TNIP1: variants seen among roughly 807,000 people sequenced by gnomAD.
TNIP1 encodes the protein TNFAIP3-interacting protein 1.
Under a neutral mutation model 86.6 loss-of-function variants are expected in TNIP1, and 22 were observed. The ratio of observed to expected loss-of-function variants is 0.25; its 90% CI spans 0.18 to 0.36. The LOEUF is 0.36. Ranked by LOEUF, TNIP1 falls within the 10% of genes least tolerant of loss-of-function variation. The pLI is 1.00. For synonymous variants in TNIP1, 294 were observed against 313.0 expected (o/e 0.94, Z 0.64); for missense variants, 709 against 820.6 (o/e 0.86, Z 1.66).
At chr5:151,050,436 T>C (rs1249874916) in intron 7 of TNIP1, among the ~76,000 whole-genome samples, 1 of 152,240 alleles carries the variant, frequency 6.6e-6, no homozygotes, top group Non-Finnish European at 1.5e-5. Context: ...ATTAACATCC[T>C]TTCACTTTCA....
In TNIP1 at chr5:151,039,198, C is replaced by T. The variant is rs1351017051; in HGVS notation, c.1162G>A (p.Ala388Thr). 6.2e-7 allele frequency: 1 copy of T among 1,613,346 alleles called. No homozygotes were observed. The highest frequency in any genetic ancestry group is 1.3e-5 in the African/African-American group (1 of 74,886). ...TTGACCTTTTGGCGCAGCTCCTTGGCCTCTGCTGTCAGCTGCTCCTTGTCG... is the reference window on the plus strand; with the variant it reads ...TTGACCTTTTGGCGCAGCTCCTTGGTCTCTGCTGTCAGCTGCTCCTTGTCG... ...ETDKEQLTAEAKELRQKVKYL... is the reference protein window; with the variant it reads ...ETDKEQLTAETKELRQKVKYL... The change falls in exon 12 of 18, where the codon GCC (alanine) becomes ACC (threonine). Residue 388 changes from alanine (A) to threonine (T), a missense_variant. Ala to Thr is a moderately conservative substitution (Grantham distance 58, BLOSUM62 0). Transcript: ENST00000521591.
At chr5:151,047,802 A>G (rs1183603233) in intron 8 of TNIP1, among the ~76,000 whole-genome samples, 2 of 152,048 alleles carry the variant, frequency 1.3e-5, no homozygotes, top group Non-Finnish European at 2.9e-5. Context: ...TCTGTGATGG[A>G]CACCAAGACC....
chr5:151,053,308 C>A (rs1760213688), intron 6 of TNIP1, among the ~76,000 whole-genome samples: 1 of 151,972 alleles, frequency 6.6e-6, no homozygotes, highest in Non-Finnish European at 1.5e-5. Flanking sequence ...CGGGGTTTCA[C>A]CATGTTGGCC....
rs1004870398 is a variant in TNIP1, at chr5:151,042,439, C to G, written c.1134+101G>C. On this transcript the variant is annotated intron_variant, in intron 11 of 17. Transcript: ENST00000521591. ...GTCACCTAGCTCTTTCGCACTAGAC[C>G]CCCGGGTCTCCTGACTCCTGCCCCT... 2.6e-6 allele frequency: 4 copies of G among 1,514,322 alleles called. No individual in the cohort carries two copies. In the African/African-American group the frequency reaches 4.1e-5, roughly 16 times the overall value. 93.8% of individuals were successfully genotyped at this position (1,514,322 alleles called of 1,614,324 possible). A position where few individuals can be genotyped will look rare whatever the true frequency, so the allele number is the denominator to read the frequency against.
At chr5:151,055,374 C>G (rs183352570) in intron 6 of TNIP1, among the ~76,000 whole-genome samples, 1 of 152,272 alleles carries the variant, frequency 6.6e-6, no homozygotes, top group African/African-American at 2.4e-5. Flanking sequence ...GGATCTATCC[C>G]CATCTCAAAG....
intron 8 of TNIP1, 105 bp downstream of exon 8, chr5:151,049,719 G>C (rs1429125813): frequency 4.4e-6 from 6 of 1,368,516 alleles, no homozygotes; most frequent in Non-Finnish European, 6.2e-6. Flanking sequence ...TTCTACCACT[G>C]GCACTGGCTG....
At chr5:151,034,348 G>GAT (rs1410587076) in intron 15 of TNIP1, 1 of 306,144 alleles carries the variant, frequency 3.3e-6, no homozygotes, top group African/African-American at 2.4e-5. Flanking sequence ...CTGGTACATA[G>GAT]ACACGGAAGG....
In TNIP1 at chr5:151,056,173, A is replaced by C. The variant is rs567493002; in HGVS notation, c.627+593T>G. ...TACAGCAATAAAGGGTCACTACTGG[A>C]ACCAAGGACCATATAACTCCAAGGT... On this transcript the variant is annotated intron_variant, in intron 6 of 17. Transcript: ENST00000521591. 1.1e-4 allele frequency among the ~76,000 whole-genome samples: 17 copies of C among 152,340 alleles called. No homozygotes were observed. In the South Asian group the frequency reaches 1.7e-3, roughly 15 times the overall value.
At chr5:151,082,326 G>A (rs980233618), upstream of TNIP1, among the ~76,000 whole-genome samples, 1 of 152,148 alleles carries the variant, frequency 6.6e-6, no homozygotes, top group African/African-American at 2.4e-5. Flanking sequence ...CTTATGCCTT[G>A]ATTCAGAAGG....
At chr5:151,035,859 C>G in intron 13 of TNIP1, 152 bp from the exon 14 acceptor site, 1 of 911,652 alleles carries the variant, frequency 1.1e-6, no homozygotes, top group Non-Finnish European at 1.6e-6. Context: ...CCAGCCTCCA[C>G]CTTAACTTCA....
chr5:151,076,646 C>G (rs1469936391), intron 1 of TNIP1, among the ~76,000 whole-genome samples: 2 of 152,186 alleles, frequency 1.3e-5, no homozygotes, highest in African/African-American at 4.8e-5. Flanking sequence ...CACCATGCTA[C>G]TGCTCAACCT....
In TNIP1 at chr5:151,033,127, CA is replaced by C. The variant is rs11375507; in HGVS notation, c.1779+480del. ...GGCAAAAAAGAGTGAAATTCCATCT[CA>C]AAAAAAAAAAAAAAAAAGGAAAAGA... On this transcript the variant is annotated intron_variant, in intron 16 of 17. Coordinates refer to ENST00000521591, the MANE Select transcript of TNIP1 (RefSeq NM_006058.5). Among the ~76,000 whole-genome samples, 10 of 78,768 alleles carry C rather than the reference CA, an allele frequency of 1.3e-4. No individual in the cohort carries two copies. In the South Asian group the frequency reaches 2.5e-3, roughly 20 times the overall value. 51.7% of individuals were successfully genotyped at this position (78,768 alleles called of 152,430 possible).
chr5:151,038,000 C>T (rs943215930), intron 12 of TNIP1, among the ~76,000 whole-genome samples: 2 of 152,250 alleles, frequency 1.3e-5, no homozygotes, highest in South Asian at 4.1e-4. Context: ...CTGCATTACT[C>T]ATCCACATGG....
At chr5:151,031,968 G>T (rs770896295) in intron 17 of TNIP1, 4 of 242,268 alleles carry the variant, frequency 1.7e-5, no homozygotes, top group Non-Finnish European at 3.1e-5. Flanking sequence ...GCCTGTTTGT[G>T]TGGTGTTTGT....
intron 3 of TNIP1, among the ~76,000 whole-genome samples, chr5:151,063,380 T>TG (rs1237476952): frequency 1.3e-5 from 2 of 152,238 alleles, no homozygotes; most frequent in African/African-American, 4.8e-5. Context: ...TCATGTCTGC[T>TG]GGGGCCTCAG....
At position 151,052,215 on chromosome 5, in the gene TNIP1, G is replaced by T; in HGVS notation, c.672C>A (p.Ala224=). The stretch of plus-strand genomic sequence containing the variant: ...GCTGTTCCAGGCCCTTATCCAACTT[G>T]GCCTTCAGAGCCTCGTTCTCCTTCC... ...QLRKENEALK[A]KLDKGLEQRD... The change falls in exon 7 of 18, where the codon GCC becomes GCA. Residue 224 remains alanine, a synonymous_variant. Transcript: ENST00000521591. The T allele has an allele frequency of 6.2e-7, 1 of 1,614,022 alleles. No homozygotes were observed. Among genetic ancestry groups the T allele is most frequent in the Non-Finnish European group, 8.5e-7 (1 of 1,179,994 alleles).
In TNIP1 at chr5:151,052,152, G is replaced by T. The variant is rs766235292; in HGVS notation, c.722+13C>A. Reference sequence around the variant, plus strand: ...CCCACTCCTCACCCCTTCTCTGAGGGGCCTGAACTTACCGCAGCCTCTCGG... The same window carrying T: ...CCCACTCCTCACCCCTTCTCTGAGGTGCCTGAACTTACCGCAGCCTCTCGG... On this transcript the variant is annotated intron_variant, in intron 7 of 17. Coordinates refer to ENST00000521591, the MANE Select transcript of TNIP1 (RefSeq NM_006058.5). 6.2e-7 allele frequency: 1 copy of T among 1,613,002 alleles called. No individual in the cohort carries two copies. Among genetic ancestry groups the T allele is most frequent in the Admixed American group, 1.7e-5 (1 of 59,982 alleles).
intron 5 of TNIP1, among the ~76,000 whole-genome samples, chr5:151,059,755 G>A (rs1035219629): frequency 1.4e-5 from 2 of 145,710 alleles, no homozygotes; most frequent in African/African-American, 5.1e-5. Flanking sequence ...ATGCTGGGCA[G>A]ACGCTCCAGA....
intron 8 of TNIP1, among the ~76,000 whole-genome samples, chr5:151,047,769 T>C (rs1401156070): frequency 6.6e-6 from 1 of 152,000 alleles, no homozygotes; most frequent in African/African-American, 2.4e-5. Context: ...GGAGGGTGTG[T>C]GTCGACTCTA....
Sources: allele counts gnomAD v4.1 joint callset (sites outside exome capture counted in the v4.1 genomes callset), GRCh38; gene constraint gnomAD v4.1.1; transcripts MANE v1.5; gene names NCBI Gene and HGNC (gene_info 2026-07-23, HGNC 2026-07-21).